The following METTL25 variants were observed in gnomAD, a reference collection of about 807,000 sequenced individuals.
The protein encoded by METTL25 is methyltransferase like 25.
A neutral mutation model predicts 71.6 loss-of-function variants in METTL25; 64 were observed. The ratio of observed to expected loss-of-function variants is 0.89; its 90% confidence interval spans 0.73 to 1.10. The LOEUF (loss-of-function observed/expected upper bound fraction) is 1.10, where lower values mean the gene tolerates loss of function less well. Among genes scored for constraint, METTL25 ranks in the 50% least tolerant of loss-of-function variants. The pLI is 0.00. For synonymous variants in METTL25, 287 were observed against 250.3 expected, an observed-to-expected ratio of 1.15 and a Z score of -1.38; for missense variants, 807 against 707.0, an observed-to-expected ratio of 1.14 and a Z score of -1.60.
In METTL25 at chr12:82,371,249, C is replaced by G. The variant is rs139986772; in HGVS notation, c.259+12425C>G. 1.1e-3 allele frequency among the ~76,000 whole-genome samples: 162 copies of G among 152,304 alleles called. 4 individuals carry two copies. The East Asian group carries it at 0.025, about 24-fold the overall frequency. ...CCTCAATTGTTAAAAGTACCCGAGG[C>G]TCAGTGAGGGTGATGACGTGAGCTG... On this transcript the variant is annotated intron_variant, in intron 1 of 11. Coordinates refer to ENST00000248306, the MANE Select transcript of METTL25 (RefSeq NM_032230.3).
intron 6 of METTL25, among the ~76,000 whole-genome samples, chr12:82,434,119 T>G (rs1346988212): frequency 2.0e-5 from 3 of 151,254 alleles, no homozygotes. Context: ...AAAATATGTT[T>G]TACTTTCTCT....
At chr12:82,389,486 G>A (rs1368257630) in intron 2 of METTL25, among the ~76,000 whole-genome samples, 2 of 151,912 alleles carry the variant, frequency 1.3e-5, no homozygotes, top group Non-Finnish European at 2.9e-5. Context: ...AGATATATGT[G>A]TTGGAATTAT....
intron 1 of METTL25, among the ~76,000 whole-genome samples, chr12:82,368,371 T>A (rs377186873): frequency 6.6e-6 from 1 of 152,150 alleles, no homozygotes; most frequent in Admixed American, 6.5e-5. Flanking sequence ...AACACACACA[T>A]ACACACAGAC....
Position 82,465,175 on chromosome 12 carries a change from T to C in METTL25, c.1572+8355T>C, listed in dbSNP as rs192274039. On this transcript the variant is annotated intron_variant, in intron 9 of 11. Coordinates refer to ENST00000248306, the MANE Select transcript of METTL25 (RefSeq NM_032230.3). ...AGTGGTAAGACTGGGCATCTTTGTC[T>C]TGCTAAAGTTCTTAGAGGAAAAGCT... 1.4e-4 allele frequency among the ~76,000 whole-genome samples: 22 copies of C among 152,126 alleles called. No individual in the cohort carries two copies. In the East Asian group the frequency reaches 4.1e-3, roughly 28 times the overall value.
At chr12:82,469,061 C>T (rs1044194965) in intron 9 of METTL25, 17 of 152,240 alleles carry the variant, frequency 1.1e-4, no homozygotes, top group African/African-American at 3.6e-4. Context: ...GGCACCATGA[C>T]ACATTCTTCA....
chr12:82,398,469 CACTT>C (rs1191415902), intron 3 of METTL25, among the ~76,000 whole-genome samples: 1 of 151,996 alleles, frequency 6.6e-6, no homozygotes, highest in African/African-American at 2.4e-5. Flanking sequence ...TTGCTAAATT[CACTT>C]ACTATTTCTG....
chr12:82,389,432 T>A lies in METTL25; in HGVS notation c.425-384T>A, dbSNP rs561764438. Among the ~76,000 whole-genome samples, 37 of 152,228 alleles carry A rather than the reference T, an allele frequency of 2.4e-4. No homozygotes were observed. The South Asian group carries it at 7.5e-3, about 31-fold the overall frequency. On this transcript the variant is annotated intron_variant, in intron 2 of 11. Coordinates refer to ENST00000248306, the MANE Select transcript of METTL25 (RefSeq NM_032230.3). ...TTGGGTGATTCTTTTTGTATTGATT[T>A]ATAGGAGTTTGTTTTATTTTATTCT...
intron 1 of METTL25, among the ~76,000 whole-genome samples, chr12:82,366,158 C>G (rs1592580903): frequency 6.6e-6 from 1 of 152,126 alleles, no homozygotes; most frequent in East Asian, 1.9e-4. Context: ...AATTAGGAGA[C>G]TATCCTAACA....
rs112773319 is a variant in METTL25 at position 82,371,780 on chromosome 12, C to T, written c.259+12956C>T. On this transcript the variant is annotated intron_variant, in intron 1 of 11. Transcript: ENST00000248306. ...GTGACAGGGGAGTATATTTTCTTAA[C>T]GCCTCCTGTAGCTGCTCAGGGAAGT... Among the ~76,000 whole-genome samples the T allele has an allele frequency of 1.1e-3, 173 of 152,214 alleles. 1 individual carries two copies. Among genetic ancestry groups the T allele is most frequent in the African/African-American group, 3.8e-3 (157 of 41,540 alleles).
intron 4 of METTL25, among the ~76,000 whole-genome samples, chr12:82,400,173 A>AT (rs1886473500): frequency 6.6e-6 from 1 of 151,516 alleles, no homozygotes; most frequent in African/African-American, 2.4e-5. Flanking sequence ...AATACAAAAA[A>AT]AAATATATAT....
chr12:82,393,754 G>A (rs1162017618), intron 3 of METTL25, among the ~76,000 whole-genome samples: 1 of 151,780 alleles, frequency 6.6e-6, no homozygotes, highest in Non-Finnish European at 1.5e-5. Flanking sequence ...CTAGATGTGG[G>A]TTTCTTTATT....
intron 5 of METTL25, among the ~76,000 whole-genome samples, chr12:82,423,363 C>G (rs1001143324): frequency 1.6e-4 from 24 of 152,138 alleles, no homozygotes; most frequent in Non-Finnish European, 3.1e-4. Flanking sequence ...AACTGGATCC[C>G]TTCCTTACAC....
At chr12:82,439,289 C>G (rs1205122011) in intron 8 of METTL25, among the ~76,000 whole-genome samples, 2 of 151,498 alleles carry the variant, frequency 1.3e-5, no homozygotes, top group Non-Finnish European at 3.0e-5. Flanking sequence ...TTCCTGTTGC[C>G]CCTAAATAAT....
chr12:82,455,417 ACCTATT>A (rs1891422468), intron 8 of METTL25, among the ~76,000 whole-genome samples: 1 of 151,872 alleles, frequency 6.6e-6, no homozygotes, highest in East Asian at 1.9e-4. Flanking sequence ...TGGAACCTAT[ACCTATT>A]CAAGTGACTA....
In METTL25 at chr12:82,417,445, C is replaced by G. The variant is rs1419354988; in HGVS notation, c.1280-13448C>G. Among the ~76,000 whole-genome samples, 4 of 152,070 alleles carry G rather than the reference C, an allele frequency of 2.6e-5. 1 individual carries two copies. Among genetic ancestry groups the G allele is most frequent in the African/African-American group, 7.2e-5 (3 of 41,410 alleles). On this transcript the variant is annotated intron_variant, in intron 5 of 11. Coordinates refer to ENST00000248306, the MANE Select transcript of METTL25 (RefSeq NM_032230.3). ...AAAATGAGTTCTGAAAGTATGCAAGCATATACGTTAAAAAGTTAAAGTTTG... is the reference window on the plus strand; with the variant it reads ...AAAATGAGTTCTGAAAGTATGCAAGGATATACGTTAAAAAGTTAAAGTTTG...
At chr12:82,449,662 C>T (rs1286889844) in intron 8 of METTL25, among the ~76,000 whole-genome samples, 1 of 152,136 alleles carries the variant, frequency 6.6e-6, no homozygotes, top group Non-Finnish European at 1.5e-5. Flanking sequence ...CTGTGATTCA[C>T]TGTTCTTACT....
At chr12:82,384,637 GATA>G (rs1351092571) in intron 1 of METTL25, among the ~76,000 whole-genome samples, 8 of 151,912 alleles carry the variant, frequency 5.3e-5, no homozygotes, top group African/African-American at 1.4e-4. Context: ...TTGTTGTAAA[GATA>G]ATATTGTAAC....
At chr12:82,449,608 C>T (rs912814839) in intron 8 of METTL25, among the ~76,000 whole-genome samples, 7 of 152,018 alleles carry the variant, frequency 4.6e-5, no homozygotes, top group Non-Finnish European at 1.0e-4. Context: ...TGATAGCTTT[C>T]TTTCCTCCTT....
intron 5 of METTL25, among the ~76,000 whole-genome samples, chr12:82,425,975 A>G (rs1005915991): frequency 6.6e-6 from 1 of 152,052 alleles, no homozygotes; most frequent in Non-Finnish European, 1.5e-5. Context: ...AAGTGAGGCT[A>G]GGGGAAAGCA....
Sources: allele counts gnomAD v4.1 joint callset (sites outside exome capture counted in the v4.1 genomes callset), GRCh38; gene constraint gnomAD v4.1.1; transcripts MANE v1.5; gene names NCBI Gene and HGNC (gene_info 2026-07-23, HGNC 2026-07-21).